Variants in PDE1A observed in about 807,000 individuals in gnomAD.
PDE1A encodes the protein phosphodiesterase 1A.
PDE1A carries 35 observed loss-of-function variants against 61.7 expected under a neutral mutation model. The ratio of observed to expected loss-of-function variants is 0.57; its 90% confidence interval spans 0.43 to 0.75. PDE1A has a LOEUF of 0.75. Among genes scored for constraint, PDE1A ranks in the 30% least tolerant of loss-of-function variants. The pLI, the probability that PDE1A is intolerant of heterozygous loss-of-function variation, is 0.00. For missense variants in PDE1A, 597 were observed against 630.6 expected (o/e 0.95, Z 0.57); for synonymous variants, 232 against 213.2 (o/e 1.09, Z -0.77).
At chr2:182,559,407 C>T in the PDE1A span, among the ~76,000 whole-genome samples, 1 of 152,080 alleles carries the variant, frequency 6.6e-6, no homozygotes, top group African/African-American at 2.4e-5. Context: ...AAGATATAAT[C>T]ATGATTTTAA....
At chr2:182,627,169 A>ATTCTT in the PDE1A span, among the ~76,000 whole-genome samples, 1 of 21,020 alleles carries the variant, frequency 4.8e-5, no homozygotes, top group African/African-American at 1.3e-4. Context: ...AAATATAAAT[A>ATTCTT]ATATTTATAT....
intron 13 of PDE1A, among the ~76,000 whole-genome samples, chr2:182,179,396 T>A (rs1426766276): frequency 6.6e-6 from 1 of 152,180 alleles, no homozygotes; most frequent in Non-Finnish European, 1.5e-5. Flanking sequence ...GGAATGTATA[T>A]GGCACAGTTC....
At chr2:182,304,243 C>T (rs1242785255) in intron 1 of PDE1A, among the ~76,000 whole-genome samples, 1 of 152,146 alleles carries the variant, frequency 6.6e-6, no homozygotes, top group Non-Finnish European at 1.5e-5. Context: ...TCTTCTTCTG[C>T]AGCTTTCTCA....
At chr2:182,601,027 G>A in the PDE1A span, among the ~76,000 whole-genome samples, 2 of 152,186 alleles carry the variant, frequency 1.3e-5, no homozygotes, top group Admixed American at 1.3e-4. Context: ...AGGATCTTTG[G>A]GGTGTCACTT....
chr2:182,380,901 A>T (rs1315942400), intron 1 of PDE1A, among the ~76,000 whole-genome samples: 1 of 152,216 alleles, frequency 6.6e-6, no homozygotes, highest in African/African-American at 2.4e-5. Context: ...GCACTAAAAA[A>T]TGCACCAGTA....
At chr2:182,696,341 C>G in the PDE1A span, among the ~76,000 whole-genome samples, 2 of 152,044 alleles carry the variant, frequency 1.3e-5, no homozygotes, top group African/African-American at 2.4e-5. Flanking sequence ...ATGTACATTA[C>G]TAAGGGAGAG....
chr2:182,246,694 G>A (rs1241049166), intron 2 of PDE1A, among the ~76,000 whole-genome samples: 1 of 152,024 alleles, frequency 6.6e-6, no homozygotes, highest in African/African-American at 2.4e-5. Flanking sequence ...ATACAGGTGT[G>A]AGCCACCATG....
chr2:182,141,408 A>C (rs1690223096), exon 15 of PDE1A: 1 of 152,214 alleles, frequency 6.6e-6, no homozygotes, highest in Non-Finnish European at 1.5e-5. Flanking sequence ...TCCCCAGCAC[A>C]TTATTATAGA....
chr2:182,280,229 T>C (rs373714341), intron 1 of PDE1A, among the ~76,000 whole-genome samples: 1 of 151,944 alleles, frequency 6.6e-6, no homozygotes, highest in East Asian at 1.9e-4. Context: ...CTAAGCCCCA[T>C]TTACATCTTC....
chr2:182,364,018 C>A (rs572167465), intron 1 of PDE1A, among the ~76,000 whole-genome samples: 18 of 152,068 alleles, frequency 1.2e-4, no homozygotes, highest in African/African-American at 4.3e-4. Flanking sequence ...ATTTTGGTTC[C>A]ATTTATGCTC....
intron 1 of PDE1A, among the ~76,000 whole-genome samples, chr2:182,388,675 G>C (rs1227924507): frequency 5.9e-5 from 9 of 151,798 alleles, no homozygotes; most frequent in Non-Finnish European, 1.3e-4. Flanking sequence ...AGTTATAAGA[G>C]GAAAGTGTAC....
chr2:182,476,823 A>T (rs1391150153), intron 2 of PDE1A, among the ~76,000 whole-genome samples: 1 of 151,742 alleles, frequency 6.6e-6, no homozygotes, highest in Non-Finnish European at 1.5e-5. Context: ...ATAAAAGACC[A>T]ATAATAAAAG....
chr2:182,349,763 C>G (rs1161649537), intron 1 of PDE1A, among the ~76,000 whole-genome samples: 1 of 151,868 alleles, frequency 6.6e-6, no homozygotes, highest in African/African-American at 2.4e-5. Flanking sequence ...CATCTCAAAA[C>G]AAAAACAAAA....
chr2:182,674,802 GT>G, the PDE1A span, among the ~76,000 whole-genome samples: 4 of 151,936 alleles, frequency 2.6e-5, no homozygotes, highest in African/African-American at 7.2e-5. Flanking sequence ...TTTTTGTTTT[GT>G]TTTTTGTTTC....
rs537100168 is a variant in PDE1A, at chr2:182,189,280, T to A, written c.1126-220A>T. Among the ~76,000 whole-genome samples, 4 of 152,324 alleles carry A rather than the reference T, an allele frequency of 2.6e-5. No homozygotes were observed. In the East Asian group the frequency reaches 7.7e-4, roughly 29 times the overall value. On this transcript the variant is annotated intron_variant, in intron 10 of 13. Transcript: ENST00000351439. The stretch of plus-strand genomic sequence containing the variant: ...TGCAGGGAGAAAAATGAGGAATGTT[T>A]TCAGTACCTGGAGACTTTGCTTTGG...
intron 7 of PDE1A, among the ~76,000 whole-genome samples, chr2:182,212,975 A>C (rs1481269875): frequency 6.6e-6 from 1 of 150,420 alleles, no homozygotes; most frequent in Non-Finnish European, 1.5e-5. Flanking sequence ...GGCACAGACA[A>C]ACAAAAAGAC....
intron 1 of PDE1A, among the ~76,000 whole-genome samples, chr2:182,415,264 G>A (rs992332463): frequency 1.3e-5 from 2 of 152,184 alleles, no homozygotes; most frequent in East Asian, 3.9e-4. Context: ...TTCTTGGTAT[G>A]TTTCAGAAAA....
At chr2:182,218,805 G>A (rs1688468069) in intron 7 of PDE1A, among the ~76,000 whole-genome samples, 1 of 152,040 alleles carries the variant, frequency 6.6e-6, no homozygotes, top group South Asian at 2.1e-4. Flanking sequence ...GCATACCTGG[G>A]ATAAACCCCA....
rs543413547 is a variant in PDE1A at position 182,417,567 on chromosome 2, A to G, written c.53+9011T>C. Among the ~76,000 whole-genome samples the G allele has an allele frequency of 3.9e-5, 6 of 152,320 alleles. No homozygotes were observed. The South Asian group carries it at 1.2e-3, about 32-fold the overall frequency. ...AAAAGCATTGAAGATTTTTTAGAGGAGACATTTATCCTTCTTCATATTCAG... is the reference window on the plus strand; with the variant it reads ...AAAAGCATTGAAGATTTTTTAGAGGGGACATTTATCCTTCTTCATATTCAG... On this transcript the variant is annotated intron_variant, in intron 1 of 13. Transcript: ENST00000351439.
Sources: allele counts gnomAD v4.1 joint callset (sites outside exome capture counted in the v4.1 genomes callset), GRCh38; gene constraint gnomAD v4.1.1; transcripts MANE v1.5; gene names NCBI Gene and HGNC (gene_info 2026-07-23, HGNC 2026-07-21).